Variants in PRKN observed in about 807,000 individuals in gnomAD.
The protein encoded by PRKN is E3 ubiquitin-protein ligase parkin.
PRKN carries 56 observed loss-of-function variants against 59.5 expected under a neutral mutation model. The ratio of observed to expected loss-of-function variants is 0.94; its 90% CI spans 0.76 to 1.18. PRKN has a LOEUF of 1.18. Ranked by LOEUF, PRKN falls within the 50% of genes most tolerant of loss-of-function variation. The probability of loss-of-function intolerance (pLI) is 0.00; values close to 1 mark genes in which losing one functional copy is unlikely to be tolerated. For missense variants in PRKN, 657 were observed against 596.4 expected (o/e 1.10, Z -1.06); for synonymous variants, 250 against 222.1 (o/e 1.13, Z -1.12).
intron 5 of PRKN, among the ~76,000 whole-genome samples, chr6:162,046,815 T>G (rs534208139): frequency 6.6e-6 from 1 of 152,156 alleles, no homozygotes; most frequent in Non-Finnish European, 1.5e-5. Flanking sequence ...TAATGCGTTT[T>G]CATATACAAA....
At chr6:161,853,258 A>G (rs1793510620) in intron 6 of PRKN, among the ~76,000 whole-genome samples, 1 of 152,012 alleles carries the variant, frequency 6.6e-6, no homozygotes, top group Non-Finnish European at 1.5e-5. Context: ...CAGTGATTTG[A>G]CCCTGGTTTT....
intron 4 of PRKN, among the ~76,000 whole-genome samples, chr6:162,169,654 C>T (rs1168268191): frequency 6.6e-6 from 1 of 152,190 alleles, no homozygotes; most frequent in Non-Finnish European, 1.5e-5. Context: ...TGTATCTCCT[C>T]TGTAGGCCAA....
chr6:161,665,282 A>G (rs1001892470), intron 7 of PRKN, among the ~76,000 whole-genome samples: 8 of 152,104 alleles, frequency 5.3e-5, no homozygotes, highest in Non-Finnish European at 8.8e-5. Flanking sequence ...AAAAAGGCCA[A>G]CTCTATATGT....
Position 161,446,227 on chromosome 6 carries a change from CA to C in PRKN, c.1084-59351del, listed in dbSNP as rs1456439102. On this transcript the variant is annotated intron_variant, in intron 9 of 11. Coordinates refer to ENST00000366898, the MANE Select transcript of PRKN (RefSeq NM_004562.3). The surrounding 1 kb of genome is among the most constrained non-coding windows in gnomAD (Gnocchi z 6.2). ...AGAGAGATCTTATCTCAGAACAAAA[CA>C]AAAAAATTGGAGAAGGGATTTCTCT... 6.6e-6 allele frequency among the ~76,000 whole-genome samples: 1 copy of C among 151,946 alleles called. No individual in the cohort carries two copies. The highest frequency in any genetic ancestry group is 1.5e-5 in the Non-Finnish European group (1 of 67,954).
intron 6 of PRKN, among the ~76,000 whole-genome samples, chr6:161,821,433 T>C (rs1792019045): frequency 2.8e-5 from 4 of 143,106 alleles, no homozygotes. Flanking sequence ...CCCATCCCAA[T>C]AAAAGGGATT....
intron 2 of PRKN, among the ~76,000 whole-genome samples, chr6:162,351,043 A>C (rs1171310390): frequency 6.6e-6 from 1 of 151,982 alleles, no homozygotes; most frequent in Non-Finnish European, 1.5e-5. Context: ...AATAATAAAA[A>C]TCCAAGCAAG....
chr6:162,264,394 C>CT (rs1780032390), intron 2 of PRKN, among the ~76,000 whole-genome samples: 1 of 152,152 alleles, frequency 6.6e-6, no homozygotes. Flanking sequence ...ATCCATAACT[C>CT]ATAGCGATGA....
At chr6:161,412,381 CCACT>C (rs763717751) in intron 9 of PRKN, among the ~76,000 whole-genome samples, 2 of 148,722 alleles carry the variant, frequency 1.3e-5, no homozygotes, top group Non-Finnish European at 3.0e-5. Context: ...ACTCATTCCT[CCACT>C]CACTCACTCC....
Position 161,518,822 on chromosome 6 carries a change from C to G in PRKN, c.1083+30032G>C, listed in dbSNP as rs1562500456. Among the ~76,000 whole-genome samples, 1 of 152,146 alleles carries G rather than the reference C, an allele frequency of 6.6e-6. No homozygotes were observed. The highest frequency in any genetic ancestry group is 1.5e-5 in the Non-Finnish European group (1 of 68,034). Reference sequence around the variant, plus strand: ...TTGCACAGAAGAGTCACCTGGTGAACACTGACTGAATTGAGTCAAATAGAA... The same window carrying G: ...TTGCACAGAAGAGTCACCTGGTGAAGACTGACTGAATTGAGTCAAATAGAA... On this transcript the variant is annotated intron_variant, in intron 9 of 11. Transcript: ENST00000366898. The surrounding 1 kb of genome is among the most constrained non-coding windows in gnomAD (Gnocchi z 5.0).
intron 3 of PRKN, among the ~76,000 whole-genome samples, chr6:162,212,324 C>G (rs1785237949): frequency 6.6e-6 from 1 of 151,782 alleles, no homozygotes; most frequent in Non-Finnish European, 1.5e-5. Context: ...AGTGGTCTCA[C>G]TTCTATTCCC....
chr6:162,727,483 C>A (rs1039273628), intron 1 of PRKN, among the ~76,000 whole-genome samples, 179 bp downstream of exon 1: 2 of 152,212 alleles, frequency 1.3e-5, no homozygotes, highest in South Asian at 2.1e-4. Flanking sequence ...CACACTGGGG[C>A]CCCGGACCCG....
intron 2 of PRKN, among the ~76,000 whole-genome samples, chr6:162,362,803 T>G (rs554020148): frequency 6.6e-6 from 1 of 152,170 alleles, no homozygotes; most frequent in Non-Finnish European, 1.5e-5. Flanking sequence ...CAAAAAGTTA[T>G]CCTTCACAAT....
intron 1 of PRKN, among the ~76,000 whole-genome samples, chr6:162,446,466 T>C (rs981759418): frequency 6.6e-6 from 1 of 152,138 alleles, no homozygotes; most frequent in Non-Finnish European, 1.5e-5. Context: ...CTGCAAAAAA[T>C]ATTAAAGATA....
intron 6 of PRKN, among the ~76,000 whole-genome samples, chr6:161,900,700 AAT>A (rs1227395533): frequency 7.9e-6 from 1 of 125,988 alleles, no homozygotes; most frequent in Non-Finnish European, 1.6e-5. Context: ...ATATTATAGT[AAT>A]ATATCATATA....
chr6:161,904,416 T>C (rs1778061349), intron 6 of PRKN, among the ~76,000 whole-genome samples: 1 of 147,420 alleles, frequency 6.8e-6, no homozygotes, highest in African/African-American at 2.5e-5. Context: ...CCTGGGTTCA[T>C]GCCATTCTCC....
rs367826246 is a variant in PRKN at position 162,032,499 on chromosome 6, G to A, written c.618+21592C>T. On this transcript the variant is annotated intron_variant, in intron 5 of 11. Coordinates refer to ENST00000366898, the MANE Select transcript of PRKN (RefSeq NM_004562.3). Reference sequence around the variant, plus strand: ...GGGGGCCACTTTGCAGCCTAGGCCAGTTTGTCTGTCAACCACCTCTAGAGA... The same window carrying A: ...GGGGGCCACTTTGCAGCCTAGGCCAATTTGTCTGTCAACCACCTCTAGAGA... Among the ~76,000 whole-genome samples the A allele has an allele frequency of 5.4e-4, 82 of 152,248 alleles. 1 individual carries two copies. In the South Asian group the frequency reaches 0.013, roughly 24 times the overall value.
At chr6:162,048,423 C>G (rs2128283858) in intron 5 of PRKN, among the ~76,000 whole-genome samples, 1 of 151,798 alleles carries the variant, frequency 6.6e-6, no homozygotes, top group East Asian at 1.9e-4. Context: ...AGAAAAGCAC[C>G]ACTGAAACCA....
At chr6:162,297,174 C>CTTTT (rs10681721) in intron 2 of PRKN, among the ~76,000 whole-genome samples, 3,542 of 139,262 alleles carry the variant, frequency 0.025, 63 homozygotes, top group East Asian at 0.055. Flanking sequence ...TTTTTCTTTT[C>CTTTT]TTTTTTTTTT....
chr6:162,206,684 CAG>C (rs1784955569), intron 3 of PRKN, among the ~76,000 whole-genome samples: 1 of 152,156 alleles, frequency 6.6e-6, no homozygotes. Context: ...GATGCATGGC[CAG>C]AGTTTCTGGA....
Sources: gnomAD v4.1 joint callset for allele counts (sites outside exome capture counted in the v4.1 genomes callset) on GRCh38, gnomAD v4.1.1 for gene constraint, Gnocchi (gnomAD v3.1) non-coding constraint, MANE v1.5 for transcripts, NCBI Gene and HGNC (gene_info 2026-07-23, HGNC 2026-07-21) for gene names.